Variants in SLAIN1 observed in about 807,000 individuals in gnomAD.
SLAIN1 encodes SLAIN family member 1.
In SLAIN1, 17 loss-of-function variants were observed where a neutral mutation model predicts 55.4. That is an observed-to-expected ratio of 0.31 (90% CI 0.21 to 0.46). The LOEUF is 0.46. SLAIN1 is among the 20% of genes least tolerant of loss of function. The pLI is 1.00. For synonymous variants in SLAIN1, 348 were observed against 337.4 expected (o/e 1.03, Z -0.35); for missense variants, 682 against 785.1 (o/e 0.87, Z 1.57).
intron 2 of SLAIN1, among the ~76,000 whole-genome samples, chr13:77,727,444 AAAAAC>A (rs1442903644): frequency 6.6e-6 from 1 of 151,474 alleles, no homozygotes. Flanking sequence ...GGGCAAAAAA[AAAAAC>A]AAAACAATTT....
In SLAIN1 at chr13:77,761,117, A is replaced by C. The variant is rs1018714906; in HGVS notation, c.1697+7A>C. ...TTGCACAACCTGTTAGAAGGTAAGA[A>C]TGTGTATTTGCGTAACTTCATTTGC... On this transcript the variant is annotated splice_region_variant and intron_variant, in intron 6 of 6. Coordinates refer to ENST00000418532, the MANE Select transcript of SLAIN1 (RefSeq NM_001242868.2). The C allele has an allele frequency of 1.9e-6, 3 of 1,613,370 alleles. No homozygotes were observed. In the African/African-American group the frequency reaches 4.0e-5, roughly 22 times the overall value.
chr13:77,759,193 G>C (rs1397180111), intron 5 of SLAIN1, among the ~76,000 whole-genome samples: 1 of 151,864 alleles, frequency 6.6e-6, no homozygotes, highest in African/African-American at 2.4e-5. Flanking sequence ...TTTTATAGAT[G>C]TTGTAAAAGG....
chr13:77,713,108 T>A (rs150190434), intron 1 of SLAIN1, among the ~76,000 whole-genome samples: 10,173 of 152,146 alleles, frequency 0.067, 517 homozygotes, highest in African/African-American at 0.12. Flanking sequence ...GTAAAAACCC[T>A]AGAAGAAAAC....
chr13:77,752,431 C>G (rs1874294593), intron 4 of SLAIN1, among the ~76,000 whole-genome samples: 1 of 151,890 alleles, frequency 6.6e-6, no homozygotes, highest in African/African-American at 2.4e-5. Context: ...AACTGCTTAG[C>G]TAGTCCCTAA....
intron 2 of SLAIN1, among the ~76,000 whole-genome samples, chr13:77,738,064 A>T (rs1435370972): frequency 6.6e-6 from 1 of 152,030 alleles, no homozygotes; most frequent in African/African-American, 2.4e-5. Flanking sequence ...TCTGTGGAAG[A>T]TATTTAGGTA....
At chr13:77,741,088 T>C in intron 2 of SLAIN1, 1 of 910,122 alleles carries the variant, frequency 1.1e-6, no homozygotes, top group Non-Finnish European at 1.3e-6. Flanking sequence ...GTGGTTATTG[T>C]GCAGAGTGAT....
intron 2 of SLAIN1, among the ~76,000 whole-genome samples, chr13:77,722,868 T>A (rs1278222583): frequency 4.6e-5 from 7 of 152,168 alleles, no homozygotes; most frequent in East Asian, 1.9e-4. Context: ...GGCCTCAGCC[T>A]CCTGAGTAGC....
At chr13:77,716,042 A>C (rs1326580472) in intron 1 of SLAIN1, among the ~76,000 whole-genome samples, 2 of 152,010 alleles carry the variant, frequency 1.3e-5, no homozygotes, top group Non-Finnish European at 2.9e-5. Context: ...TAAAAGTGTT[A>C]CTGTTTCAAG....
Position 77,698,104 on chromosome 13 carries a change from C to T in SLAIN1, c.191C>T (p.Pro64Leu), listed in dbSNP as rs1350979891. Residue 64 changes from proline (P) to leucine (L), a missense_variant, in exon 1 of 7, where the codon CCG (proline) becomes CTG (leucine). Pro to Leu is a moderately conservative substitution (Grantham distance 98). Transcript: ENST00000418532. The surrounding 1 kb of genome is among the most constrained non-coding windows in gnomAD (Gnocchi z 4.1). ...AAAPHLLLLP[P>L]PPPAAPPPAG... ...GCCCCGCACCTGCTGCTGCTGCCGCCGCCGCCGCCCGCCGCGCCGCCCCCC... is the reference window on the plus strand; with the variant it reads ...GCCCCGCACCTGCTGCTGCTGCCGCTGCCGCCGCCCGCCGCGCCGCCCCCC... The T allele has an allele frequency of 9.5e-7, 1 of 1,056,232 alleles. No homozygotes were observed. Among genetic ancestry groups the T allele is most frequent in the Non-Finnish European group, 1.1e-6 (1 of 896,926 alleles). 65.4% of individuals were successfully genotyped at this position (1,056,232 alleles called of 1,614,324 possible).
chr13:77,740,220 A>G (rs1475893842), intron 2 of SLAIN1, among the ~76,000 whole-genome samples: 1 of 152,076 alleles, frequency 6.6e-6, no homozygotes, highest in African/African-American at 2.4e-5. Flanking sequence ...CACAGTTAAA[A>G]TACATGACAT....
chr13:77,748,570 G>T (rs576884880), intron 4 of SLAIN1, among the ~76,000 whole-genome samples: 2 of 152,042 alleles, frequency 1.3e-5, no homozygotes, highest in African/African-American at 2.4e-5. Context: ...ATCAAACACC[G>T]TTTGAAAAGG....
Position 77,736,216 on chromosome 13 carries a change from C to T in SLAIN1, c.767-8067C>T, listed in dbSNP as rs537437843. On this transcript the variant is annotated intron_variant, in intron 2 of 6. Coordinates refer to ENST00000418532, the MANE Select transcript of SLAIN1 (RefSeq NM_001242868.2). ...TACTACATGAGGTTCTTTATTCCAG[C>T]CTCTGGAATAAATATTCTCAGCATA... 2.0e-5 allele frequency among the ~76,000 whole-genome samples: 3 copies of T among 152,116 alleles called. No homozygotes were observed. The East Asian group carries it at 5.8e-4, about 29-fold the overall frequency.
In SLAIN1 at chr13:77,697,923, G is replaced by A; in HGVS notation, c.10G>A (p.Glu4Lys). 7.1e-7 allele frequency: 1 copy of A among 1,414,250 alleles called. No homozygotes were observed. The highest frequency in any genetic ancestry group is 9.3e-7 in the Non-Finnish European group (1 of 1,074,778). 87.6% of individuals were successfully genotyped at this position (1,414,250 alleles called of 1,614,324 possible). The change falls in exon 1 of 7, where the codon GAG becomes AAG. Residue 4 changes from glutamate to lysine, a missense_variant. This residue lies in a region of SLAIN1 where 401 missense variants were observed against 417.3 expected (regional missense o/e 0.96). Coordinates refer to ENST00000418532, the MANE Select transcript of SLAIN1 (RefSeq NM_001242868.2). MMA[E>K]QVKCASAGVS... is the part of the protein sequence containing the mutation. ...GCCCTCGGGGCCCACGATGATGGCG[G>A]AGCAGGTGAAATGCGCCTCGGCAGG...
chr13:77,707,943 G>A (rs1566219812), intron 1 of SLAIN1, among the ~76,000 whole-genome samples: 4 of 152,158 alleles, frequency 2.6e-5, no homozygotes, highest in Non-Finnish European at 4.4e-5. Flanking sequence ...TATTGGAGGG[G>A]ATTTGGGATT....
rs545486945 is a variant in SLAIN1, at chr13:77,723,318, G to T, written c.766+3647G>T. 3.3e-5 allele frequency among the ~76,000 whole-genome samples: 5 copies of T among 152,186 alleles called. No individual in the cohort carries two copies. In the East Asian group the frequency reaches 7.7e-4, roughly 23 times the overall value. On this transcript the variant is annotated intron_variant, in intron 2 of 6. Transcript: ENST00000418532. The stretch of plus-strand genomic sequence containing the variant: ...TGGGACTTTCTTTTGCTTATCCTGG[G>T]AATTTCTCTGGCCCCTCTTCAGTGC...
rs1043876974 is a variant in SLAIN1 at position 77,705,794 on chromosome 13, C to CT, written c.626+7264dup. Among the ~76,000 whole-genome samples, 8 of 150,686 alleles carry CT rather than the reference C, an allele frequency of 5.3e-5. No homozygotes were observed. The East Asian group carries it at 9.7e-4, about 18-fold the overall frequency. On this transcript the variant is annotated intron_variant, in intron 1 of 6. Coordinates refer to ENST00000418532, the MANE Select transcript of SLAIN1 (RefSeq NM_001242868.2). The stretch of plus-strand genomic sequence containing the variant: ...CCAAATATTTTGAGAATAACTGAGA[C>CT]TTTTTTTTTCTAGACAATTGTCATA...
intron 2 of SLAIN1, among the ~76,000 whole-genome samples, chr13:77,726,444 A>T (rs955334343): frequency 6.6e-6 from 1 of 151,458 alleles, no homozygotes. Context: ...TTTTTTTTTT[A>T]AAGACAGGGT....
At position 77,741,357 on chromosome 13, in the gene SLAIN1, G is replaced by A. The variant is rs919829385; in HGVS notation, c.767-2926G>A. On this transcript the variant is annotated intron_variant, in intron 2 of 6. Coordinates refer to ENST00000418532, the MANE Select transcript of SLAIN1 (RefSeq NM_001242868.2). ...CCCCTAGTTTGTAGTGTATTCTGGA[G>A]TCAAGTTGACCTACATAGAAGAGAA... The A allele has an allele frequency of 8.1e-6, 8 of 987,298 alleles. No individual in the cohort carries two copies. In the African/African-American group the frequency reaches 1.4e-4, roughly 17 times the overall value. The allele number at this position is 987,298 out of a possible 1,614,324, so 61.2% of individuals were successfully genotyped here. A position where few individuals can be genotyped will look rare whatever the true frequency, so the allele number is the denominator to read the frequency against.
intron 2 of SLAIN1, among the ~76,000 whole-genome samples, chr13:77,743,824 A>G (rs749257857): frequency 1.3e-5 from 2 of 152,038 alleles, no homozygotes; most frequent in African/African-American, 2.4e-5. Flanking sequence ...GTTTGTACTC[A>G]TTAAGAAATG....
Sources: gnomAD v4.1 joint callset for allele counts (sites outside exome capture counted in the v4.1 genomes callset) on GRCh38, gnomAD v4.1.1 for gene constraint, gnomAD v4.1.1 regional missense constraint, Gnocchi (gnomAD v3.1) non-coding constraint, MANE v1.5 for transcripts, NCBI Gene and HGNC (gene_info 2026-07-23, HGNC 2026-07-21) for gene names.